Variants in LHX9 observed in about 807,000 individuals in gnomAD.
The protein encoded by LHX9 is LIM/homeobox protein Lhx9.
In LHX9, 9 loss-of-function variants were observed where a neutral mutation model predicts 36.5. The observed-to-expected ratio is 0.25, with a 90% CI of 0.15 to 0.43. The LOEUF is 0.43. Among genes scored for constraint, LHX9 ranks in the 20% least tolerant of loss-of-function variants. The probability of loss-of-function intolerance (pLI) is 1.00; values close to 1 mark genes in which losing one functional copy is unlikely to be tolerated. For synonymous variants in LHX9, 211 were observed against 212.1 expected (o/e 0.99, Z 0.04); for missense variants, 464 against 526.4 (o/e 0.88, Z 1.16).
chr1:197,917,495 T>TC lies in LHX9; in HGVS notation c.-323dup, dbSNP rs1161713766. 1.0e-5 allele frequency: 14 copies of TC among 1,384,180 alleles called. No homozygotes were observed. The highest frequency in any genetic ancestry group is 4.0e-5 in the East Asian group (1 of 24,934). The allele number at this position is 1,384,180 out of a possible 1,614,324, so 85.7% of individuals were successfully genotyped here. On this transcript the variant is annotated 5_prime_UTR_variant, in exon 1 of 5. Transcript: ENST00000367387. The stretch of plus-strand genomic sequence containing the variant: ...CTTTCTTCACCAGATTTTGTTTTCC[T>TC]CCCCCCGCTGCAGTTGTTTCCCATT...
At chr1:197,917,288 C>G (rs1659792681), upstream of LHX9, 3 of 1,228,046 alleles carry the variant, frequency 2.4e-6, no homozygotes, top group Admixed American at 1.1e-4. Flanking sequence ...GTGGCAGCTC[C>G]GGGGAGAGAA....
upstream of LHX9, chr1:197,912,697 C>T (rs538229921): frequency 6.5e-6 from 6 of 924,030 alleles, no homozygotes; most frequent in South Asian, 2.7e-5. Flanking sequence ...AAAATTAAAC[C>T]GCGCTTCGTA....
At chr1:197,918,969 A>G (rs916045718) in intron 1 of LHX9, among the ~76,000 whole-genome samples, 6 of 152,080 alleles carry the variant, frequency 3.9e-5, no homozygotes, top group African/African-American at 1.2e-4. Context: ...GAACGTGTCT[A>G]TATTTGTAAC....
At chr1:197,924,890 C>CTGCTG (rs1165083163) in intron 3 of LHX9, among the ~76,000 whole-genome samples, 1 of 43,648 alleles carries the variant, frequency 2.3e-5, no homozygotes, top group Admixed American at 3.9e-4. Flanking sequence ...TAAGAGTTAT[C>CTGCTG]ATTTCATCTC....
chr1:197,925,754 G>A (rs1660124366), intron 3 of LHX9, among the ~76,000 whole-genome samples: 1 of 152,158 alleles, frequency 6.6e-6, no homozygotes. Flanking sequence ...TAGCCTTTCT[G>A]GTGGAGTTTA....
upstream of LHX9, chr1:197,916,645 A>G: frequency 1.4e-6 from 1 of 702,938 alleles, no homozygotes; most frequent in Admixed American, 2.0e-5. Flanking sequence ...AATTTTCTCA[A>G]AGAAAATTGT....
chr1:197,921,186 C>T lies in LHX9; in HGVS notation c.378-118C>T. 1.4e-6 allele frequency: 1 copy of T among 712,622 alleles called. No homozygotes were observed. The allele number at this position is 712,622 out of a possible 1,614,324, so 44.1% of individuals were successfully genotyped here. The stretch of plus-strand genomic sequence containing the variant: ...AAAATTAATGCCTACTCTCCTGTCC[C>T]CCTGGAACCCTCCCAGGTCCCAGTC... On this transcript the variant is annotated intron_variant, in intron 2 of 4. Transcript: ENST00000367387. The surrounding 1 kb of genome is among the most constrained non-coding windows in gnomAD (Gnocchi z 4.6).
chr1:197,922,325 C>G (rs1660019001), intron 3 of LHX9, among the ~76,000 whole-genome samples: 3 of 152,186 alleles, frequency 2.0e-5, no homozygotes, highest in Admixed American at 2.0e-4. Context: ...GAAAGTACCT[C>G]CAGGTCAGGC....
chr1:197,923,036 G>A (rs568853434), intron 3 of LHX9, among the ~76,000 whole-genome samples: 1 of 152,352 alleles, frequency 6.6e-6, no homozygotes, highest in Admixed American at 6.5e-5. Context: ...CGCTCTCTCA[G>A]ACCTCCGTTG....
At chr1:197,912,847 C>A (rs41265229), upstream of LHX9, 8 of 486,044 alleles carry the variant, frequency 1.6e-5, no homozygotes, top group East Asian at 3.9e-5. Flanking sequence ...TTCCACTGAT[C>A]CTCCAGTAGT....
Position 197,917,902 on chromosome 1 carries a change from G to A in LHX9, c.79G>A (p.Gly27Arg). 1 of 1,614,190 alleles carries A rather than the reference G, an allele frequency of 6.2e-7. No homozygotes were observed. The highest frequency in any genetic ancestry group is 8.5e-7 in the Non-Finnish European group (1 of 1,180,040). Reference protein sequence around the residue: ...PPAMLFHGISGGHIQGIMEEM... With the variant: ...PPAMLFHGISRGHIQGIMEEM... ...AGCCATGCTCTTTCACGGGATCTCCGGAGGCCACATCCAAGGCATCATGGA... is the reference window on the plus strand; with the variant it reads ...AGCCATGCTCTTTCACGGGATCTCCAGAGGCCACATCCAAGGCATCATGGA... The change falls in exon 1 of 5, where the codon GGA (glycine) becomes AGA (arginine). Residue 27 changes from glycine (G) to arginine (R), a missense_variant. Physicochemically the swap from Gly to Arg is moderately radical, Grantham distance 125. Around this residue, in one of 5 missense-constraint regions of LHX9, gnomAD observed 119 missense variants for 102.4 expected, o/e 1.16. Coordinates refer to ENST00000367387, the MANE Select transcript of LHX9 (RefSeq NM_020204.3).
In LHX9 at chr1:197,917,501, C is replaced by T; in HGVS notation, c.-323C>T. 7.2e-7 allele frequency: 1 copy of T among 1,393,450 alleles called. No individual in the cohort carries two copies. Among genetic ancestry groups the T allele is most frequent in the Non-Finnish European group, 9.6e-7 (1 of 1,047,006 alleles). 86.3% of individuals were successfully genotyped at this position (1,393,450 alleles called of 1,614,324 possible). A position where few individuals can be genotyped will look rare whatever the true frequency, so the allele number is the denominator to read the frequency against. On this transcript the variant is annotated 5_prime_UTR_variant, in exon 1 of 5. Transcript: ENST00000367387. ...TCACCAGATTTTGTTTTCCTCCCCC[C>T]GCTGCAGTTGTTTCCCATTAGTAAC...
upstream of LHX9, among the ~76,000 whole-genome samples, chr1:197,913,886 A>G (rs1256719526): frequency 6.6e-6 from 1 of 152,162 alleles, no homozygotes; most frequent in Non-Finnish European, 1.5e-5. Flanking sequence ...CAAAATATGC[A>G]CATTTGTTGG....
chr1:197,914,293 G>C (rs1571395037), upstream of LHX9, among the ~76,000 whole-genome samples: 1 of 152,170 alleles, frequency 6.6e-6, no homozygotes, highest in Non-Finnish European at 1.5e-5. Context: ...GCAGGCTAGA[G>C]AGAACCACAT....
At position 197,917,761 on chromosome 1, in the gene LHX9, G is replaced by A. The variant is rs1439552509; in HGVS notation, c.-63G>A. Reference sequence around the variant, plus strand: ...TCGAGCGTCTCTGCGCTCCTACAGGGCAGCCCTCTCTGGTCCCTTGCCTCC... The same window carrying A: ...TCGAGCGTCTCTGCGCTCCTACAGGACAGCCCTCTCTGGTCCCTTGCCTCC... On this transcript the variant is annotated 5_prime_UTR_variant, in exon 1 of 5. Transcript: ENST00000367387. 2 of 1,612,572 alleles carry A rather than the reference G, an allele frequency of 1.2e-6. No homozygotes were observed. The highest frequency in any genetic ancestry group is 1.3e-5 in the African/African-American group (1 of 74,768).
At position 197,920,101 on chromosome 1, in the gene LHX9, A is replaced by C; in HGVS notation, c.304A>C (p.Lys102Gln). ...GAGATGCCTGAAGTGCTGTGAATGT[A>C]AGCTGGCCCTCGAGTCCGAGCTCAC... ...HLRCLKCCEC[K>Q]LALESELTCF... is the part of the protein sequence containing the mutation. Residue 102 changes from lysine (K) to glutamine (Q), a missense_variant, in exon 2 of 5, where the codon AAG becomes CAG. Physicochemically the swap from Lys to Gln is moderately conservative, Grantham distance 53. Coordinates refer to ENST00000367387, the MANE Select transcript of LHX9 (RefSeq NM_020204.3). 6.2e-7 allele frequency: 1 copy of C among 1,614,206 alleles called. No individual in the cohort carries two copies. The highest frequency in any genetic ancestry group is 8.5e-7 in the Non-Finnish European group (1 of 1,180,032).
chr1:197,923,156 T>C lies in LHX9; in HGVS notation c.733+1497T>C, dbSNP rs571686782. Among the ~76,000 whole-genome samples, 257 of 152,360 alleles carry C rather than the reference T, an allele frequency of 1.7e-3. 1 individual carries two copies. Among genetic ancestry groups the C allele is most frequent in the Middle Eastern group, 3.4e-3 (1 of 294 alleles). The stretch of plus-strand genomic sequence containing the variant: ...GAGAATGGGGAGCAATGAGGAACAC[T>C]GTGCGGCAGCACTTGTCCCTAGGGG... On this transcript the variant is annotated intron_variant, in intron 3 of 4. Coordinates refer to ENST00000367387, the MANE Select transcript of LHX9 (RefSeq NM_020204.3).
chr1:197,925,670 C>T (rs1660122679), intron 3 of LHX9, among the ~76,000 whole-genome samples: 1 of 152,170 alleles, frequency 6.6e-6, no homozygotes, highest in African/African-American at 2.4e-5. Flanking sequence ...AATATTTGAA[C>T]TTGACATATC....
chr1:197,916,797 A>T, upstream of LHX9: 1 of 702,852 alleles, frequency 1.4e-6, no homozygotes, highest in Non-Finnish European at 2.6e-6. Context: ...TTAAAAGTGG[A>T]TTGAGGAAGA....
Sources: gnomAD v4.1 joint callset for allele counts (sites outside exome capture counted in the v4.1 genomes callset) on GRCh38, gnomAD v4.1.1 for gene constraint, gnomAD v4.1.1 regional missense constraint, Gnocchi (gnomAD v3.1) non-coding constraint, MANE v1.5 for transcripts, NCBI Gene and HGNC (gene_info 2026-07-23, HGNC 2026-07-21) for gene names.